Variants in PARD3B observed in about 807,000 individuals in gnomAD.
PARD3B encodes par-3 family cell polarity regulator beta.
Under a neutral mutation model 130.2 loss-of-function variants are expected in PARD3B, and 103 were observed. The observed-to-expected ratio is 0.79, with a 90% confidence interval of 0.67 to 0.93. The LOEUF (loss-of-function observed/expected upper bound fraction) is 0.93, where lower values mean the gene tolerates loss of function less well. Ranked by LOEUF, PARD3B falls within the 40% of genes least tolerant of loss-of-function variation. The probability of loss-of-function intolerance (pLI) is 0.00; values close to 1 mark genes in which losing one functional copy is unlikely to be tolerated. For synonymous variants in PARD3B, 583 were observed against 553.2 expected, an observed-to-expected ratio of 1.05 and a Z score of -0.76; for missense variants, 1,609 against 1,499.2, an observed-to-expected ratio of 1.07 and a Z score of -1.21.
In PARD3B at chr2:204,976,953, T is replaced by C. The variant is rs145285995; in HGVS notation, c.394+11630T>C. 1.9e-3 allele frequency among the ~76,000 whole-genome samples: 291 copies of C among 152,220 alleles called. 2 individuals are homozygous for C. The highest frequency in any genetic ancestry group is 6.1e-3 in the African/African-American group (252 of 41,546). On this transcript the variant is annotated intron_variant, in intron 3 of 22. Coordinates refer to ENST00000406610, the MANE Select transcript of PARD3B (RefSeq NM_001302769.2). ...ATCTGGTCTTTTGTTATCCCTTTAT[T>C]CCACTTTCAACTTTCAACCCATAAG... is the stretch of plus-strand genomic sequence containing the variant.
At chr2:205,087,883 A>C (rs760199976) in intron 4 of PARD3B, among the ~76,000 whole-genome samples, 4 of 152,220 alleles carry the variant, frequency 2.6e-5, no homozygotes, top group Non-Finnish European at 1.5e-5. Flanking sequence ...TTATCATTCC[A>C]TGTGAATATC....
At chr2:205,579,868 G>T (rs1049243476) in intron 22 of PARD3B, among the ~76,000 whole-genome samples, 8 of 152,094 alleles carry the variant, frequency 5.3e-5, no homozygotes, top group Non-Finnish European at 1.2e-4. Context: ...CTCTTGACAC[G>T]TATTGCCTTA....
intron 16 of PARD3B, among the ~76,000 whole-genome samples, chr2:205,275,557 G>C (rs1262803228): frequency 1.3e-5 from 2 of 151,970 alleles, no homozygotes; most frequent in East Asian, 3.9e-4. Context: ...AGTTCATTTA[G>C]GGCAGGGTGT....
intron 2 of PARD3B, among the ~76,000 whole-genome samples, chr2:204,695,803 A>G (rs746659887): frequency 9.2e-5 from 14 of 152,034 alleles, no homozygotes; most frequent in Non-Finnish European, 1.3e-4. Context: ...AGGGAGGAGG[A>G]TGGTTATGTC....
chr2:204,952,465 A>T (rs962464086), intron 2 of PARD3B, among the ~76,000 whole-genome samples: 2 of 152,164 alleles, frequency 1.3e-5, no homozygotes, highest in Non-Finnish European at 2.9e-5. Flanking sequence ...ACCTTTGAAG[A>T]TTTAATAGGG....
Position 205,078,608 on chromosome 2 carries a change from A to G in PARD3B, c.505-25818A>G, listed in dbSNP as rs1473538717. Among the ~76,000 whole-genome samples the G allele has an allele frequency of 6.6e-6, 1 of 152,180 alleles. No homozygotes were observed. The highest frequency in any genetic ancestry group is 6.5e-5 in the Admixed American group (1 of 15,282). On this transcript the variant is annotated intron_variant, in intron 4 of 22. Coordinates refer to ENST00000406610, the MANE Select transcript of PARD3B (RefSeq NM_001302769.2). This position sits in a 1 kb window ranked among gnomAD's most constrained non-coding sequence, Gnocchi z 4.0. ...ATAGGGTAAGTGTGGAGATTGTCAA[A>G]CATGTTAATAAAATATTTGACACTG... is the stretch of plus-strand genomic sequence containing the variant.
In PARD3B at chr2:204,603,990, A is replaced by C. The variant is rs1345540540; in HGVS notation, c.120+57871A>C. Reference sequence around the variant, plus strand: ...TCAGATTCATAACTCCCTGGCACATAGTAGGTCCTACCTGCTGGGTGAGTA... The same window carrying C: ...TCAGATTCATAACTCCCTGGCACATCGTAGGTCCTACCTGCTGGGTGAGTA... On this transcript the variant is annotated intron_variant, in intron 1 of 22. Transcript: ENST00000406610. Among the ~76,000 whole-genome samples the C allele has an allele frequency of 2.6e-5, 4 of 152,188 alleles. No homozygotes were observed. The East Asian group carries it at 7.7e-4, about 29-fold the overall frequency.
chr2:205,016,278 C>T lies in PARD3B; in HGVS notation c.395-31303C>T, dbSNP rs967006806. Among the ~76,000 whole-genome samples the T allele has an allele frequency of 7.9e-5, 12 of 152,144 alleles. No individual in the cohort carries two copies. The South Asian group carries it at 2.3e-3, about 29-fold the overall frequency. On this transcript the variant is annotated intron_variant, in intron 3 of 22. Coordinates refer to ENST00000406610, the MANE Select transcript of PARD3B (RefSeq NM_001302769.2). The stretch of plus-strand genomic sequence containing the variant: ...TCTAGCACATAGAATGAAATGTAAA[C>T]CCTTCTGCACCTGCAAAACCTATCT...
chr2:204,629,417 G>A (rs1035527741), intron 1 of PARD3B, among the ~76,000 whole-genome samples: 5 of 152,106 alleles, frequency 3.3e-5, no homozygotes, highest in African/African-American at 1.2e-4. Context: ...CTGATTGGAT[G>A]CATCTCATGA....
rs187664635 is a variant in PARD3B, at chr2:204,641,273, G to A, written c.121-44908G>A. Among the ~76,000 whole-genome samples the A allele has an allele frequency of 2.9e-3, 441 of 150,984 alleles. 1 individual carries two copies. The highest frequency in any genetic ancestry group is 9.4e-3 in the African/African-American group (390 of 41,284). ...ACATAAATACATATGTGGATGAGCA[G>A]GCATTTGGTTGGAACTTCTAAGGAC... On this transcript the variant is annotated intron_variant, in intron 1 of 22. Transcript: ENST00000406610.
intron 21 of PARD3B, among the ~76,000 whole-genome samples, chr2:205,548,374 T>A (rs531409244): frequency 1.3e-5 from 2 of 152,276 alleles, no homozygotes; most frequent in African/African-American, 4.8e-5. Flanking sequence ...CATGTCTAGA[T>A]ATTCCCTCCT....
At chr2:205,022,327 G>A (rs1005381009) in intron 3 of PARD3B, among the ~76,000 whole-genome samples, 2 of 152,124 alleles carry the variant, frequency 1.3e-5, no homozygotes, top group Non-Finnish European at 2.9e-5. Flanking sequence ...ACACTGAATT[G>A]GAAATGCTTC....
chr2:205,380,710 C>T (rs2045349895), intron 18 of PARD3B, among the ~76,000 whole-genome samples: 1 of 92,090 alleles, frequency 1.1e-5, no homozygotes, highest in African/African-American at 4.8e-5. Flanking sequence ...AAAGAATATA[C>T]ATTATATATA....
intron 13 of PARD3B, among the ~76,000 whole-genome samples, chr2:205,181,122 C>T (rs903602778): frequency 2.0e-5 from 3 of 152,176 alleles, no homozygotes; most frequent in Non-Finnish European, 4.4e-5. Context: ...CCAAATCTGC[C>T]CAGCATCACC....
rs976084329 is a variant in PARD3B, at chr2:205,572,466, C to T, written c.3260+19063C>T. On this transcript the variant is annotated intron_variant, in intron 22 of 22. Coordinates refer to ENST00000406610, the MANE Select transcript of PARD3B (RefSeq NM_001302769.2). The surrounding 1 kb of genome is among the most constrained non-coding windows in gnomAD (Gnocchi z 4.2). ...TGGAAAATAAATTGGAGAGACAGGC[C>T]GGGTGCGGTGGTGCACGCCTGTAAT... 1.3e-5 allele frequency among the ~76,000 whole-genome samples: 2 copies of T among 152,244 alleles called. No homozygotes were observed. The highest frequency in any genetic ancestry group is 1.9e-4 in the East Asian group (1 of 5,176).
At chr2:205,429,540 G>A (rs1361050269) in intron 19 of PARD3B, among the ~76,000 whole-genome samples, 4 of 152,152 alleles carry the variant, frequency 2.6e-5, no homozygotes, top group African/African-American at 4.8e-5. Flanking sequence ...ACTTTACAAT[G>A]GAGACATCAG....
chr2:205,145,487 C>G (rs2033288935), intron 10 of PARD3B, among the ~76,000 whole-genome samples: 1 of 152,198 alleles, frequency 6.6e-6, no homozygotes. Flanking sequence ...TTGTGATACT[C>G]TGTTTTTAAT....
chr2:204,589,844 A>G (rs924778634), intron 1 of PARD3B, among the ~76,000 whole-genome samples: 1 of 152,150 alleles, frequency 6.6e-6, no homozygotes, highest in African/African-American at 2.4e-5. Flanking sequence ...TTTTGAGCAA[A>G]TCAACTTTTT....
chr2:204,807,425 A>G (rs892292877), intron 2 of PARD3B, among the ~76,000 whole-genome samples: 5 of 152,106 alleles, frequency 3.3e-5, no homozygotes, highest in African/African-American at 1.2e-4. Flanking sequence ...CACTACGGAG[A>G]ACACTAGGAG....
Sources: allele counts gnomAD v4.1 joint callset (sites outside exome capture counted in the v4.1 genomes callset), GRCh38; gene constraint gnomAD v4.1.1; non-coding constraint Gnocchi (gnomAD v3.1); transcripts MANE v1.5; gene names NCBI Gene and HGNC (gene_info 2026-07-23, HGNC 2026-07-21).